The following GPC6 variants were observed in gnomAD, a reference collection of about 807,000 sequenced individuals.
GPC6 encodes the protein glypican 6, also known as glypican-6.
Under a neutral mutation model 55.2 loss-of-function variants are expected in GPC6, and 14 were observed. The observed-to-expected ratio is 0.25, with a 90% CI of 0.17 to 0.40. GPC6 has a LOEUF of 0.40. GPC6 is among the 10% of genes least tolerant of loss of function. GPC6 has a pLI of 1.00. For missense variants in GPC6, 641 were observed against 708.5 expected (o/e 0.90, Z 1.08); for synonymous variants, 278 against 259.6 (o/e 1.07, Z -0.68).
At chr13:93,789,619 A>AATAC (rs1357933083) in intron 2 of GPC6, among the ~76,000 whole-genome samples, 6 of 45,518 alleles carry the variant, frequency 1.3e-4, no homozygotes, top group South Asian at 1.0e-3. Flanking sequence ...ATATATATAT[A>AATAC]TATATATATA....
At chr13:93,318,302 T>C (rs889858784) in intron 1 of GPC6, among the ~76,000 whole-genome samples, 1 of 151,930 alleles carries the variant, frequency 6.6e-6, no homozygotes, top group Non-Finnish European at 1.5e-5. Context: ...TGTTTGATAC[T>C]AATGGACCAA....
chr13:93,439,686 TAAATA>T (rs1877708327), intron 1 of GPC6, among the ~76,000 whole-genome samples: 4 of 128,276 alleles, frequency 3.1e-5, no homozygotes, highest in Non-Finnish European at 5.1e-5. Context: ...TAAAATAAAA[TAAATA>T]AAAAAAATAA....
chr13:94,220,766 G>A (rs1283437419), intron 4 of GPC6, among the ~76,000 whole-genome samples: 3 of 152,030 alleles, frequency 2.0e-5, no homozygotes, highest in African/African-American at 4.8e-5. Context: ...CCATGTTTGT[G>A]TCTGTGTCCA....
At chr13:93,270,368 T>C (rs1877477933) in intron 1 of GPC6, among the ~76,000 whole-genome samples, 1 of 152,056 alleles carries the variant, frequency 6.6e-6, no homozygotes, top group Non-Finnish European at 1.5e-5. Context: ...TGTCTATATA[T>C]ACATGTACAT....
At chr13:93,341,907 CT>C (rs796173006) in intron 1 of GPC6, among the ~76,000 whole-genome samples, 78 of 148,730 alleles carry the variant, frequency 5.2e-4, no homozygotes, top group African/African-American at 1.5e-3. Flanking sequence ...CTTGAGTTAA[CT>C]TTTTTTTTCT....
In GPC6 at chr13:94,299,817, A is replaced by G. The variant is rs145658788; in HGVS notation, c.1009-6163A>G. ...GGTTACTCCACAGCCATTTCTTGTG[A>G]AAATAATGGCTGCACCTGGACAAAT... On this transcript the variant is annotated intron_variant, in intron 5 of 8. Coordinates refer to ENST00000377047, the MANE Select transcript of GPC6 (RefSeq NM_005708.5). Among the ~76,000 whole-genome samples, 448 of 152,288 alleles carry G rather than the reference A, an allele frequency of 2.9e-3. 2 individuals are homozygous for G. The highest frequency in any genetic ancestry group is 0.01 in the African/African-American group (417 of 41,534).
At chr13:93,506,993 C>T (rs903062198) in intron 1 of GPC6, among the ~76,000 whole-genome samples, 1 of 128,416 alleles carries the variant, frequency 7.8e-6, no homozygotes, top group Non-Finnish European at 1.6e-5. Context: ...GGGAGGGAGG[C>T]GAAGCTTGCA....
chr13:93,907,035 T>A (rs920864588), intron 3 of GPC6, among the ~76,000 whole-genome samples: 1 of 152,154 alleles, frequency 6.6e-6, no homozygotes, highest in African/African-American at 2.4e-5. Flanking sequence ...GTCACAGTGA[T>A]CTGATGAGAC....
intron 8 of GPC6, among the ~76,000 whole-genome samples, chr13:94,399,314 C>T (rs886494509): frequency 6.6e-6 from 1 of 152,180 alleles, no homozygotes; most frequent in Admixed American, 6.5e-5. Context: ...CAATATTACA[C>T]ACGACTATTT....
At chr13:93,523,444 C>T (rs560470344) in intron 1 of GPC6, among the ~76,000 whole-genome samples, 16 of 45,180 alleles carry the variant, frequency 3.5e-4, no homozygotes, top group Admixed American at 3.2e-3. Context: ...ACATTTTACA[C>T]ACACACACAT....
chr13:93,667,487 C>T (rs974816083), intron 2 of GPC6, among the ~76,000 whole-genome samples: 2 of 151,120 alleles, frequency 1.3e-5, no homozygotes, highest in Non-Finnish European at 2.9e-5. Flanking sequence ...GGGTGGAGTG[C>T]AGTGGCAAGA....
intron 1 of GPC6, among the ~76,000 whole-genome samples, chr13:93,261,267 G>A (rs75086587): frequency 1.1e-3 from 165 of 152,196 alleles, no homozygotes; most frequent in African/African-American, 3.6e-3. Context: ...GGTCTTTTAT[G>A]GTAGGAAACA....
intron 4 of GPC6, among the ~76,000 whole-genome samples, chr13:94,046,274 GT>G (rs1883729826): frequency 6.6e-6 from 1 of 152,042 alleles, no homozygotes; most frequent in Non-Finnish European, 1.5e-5. Context: ...GTTCTAAAAT[GT>G]TTCCCTAAGT....
chr13:93,458,271 A>G (rs1353706212), intron 1 of GPC6, among the ~76,000 whole-genome samples: 2 of 152,138 alleles, frequency 1.3e-5, no homozygotes, highest in South Asian at 2.1e-4. Context: ...TCCAGAGGAA[A>G]TATCTTATTT....
rs1886514101 is a variant in GPC6, at chr13:94,118,539, A to G, written c.877+90645A>G. Among the ~76,000 whole-genome samples, 3 of 151,798 alleles carry G rather than the reference A, an allele frequency of 2.0e-5. No individual in the cohort carries two copies. In the South Asian group the frequency reaches 6.2e-4, roughly 32 times the overall value. On this transcript the variant is annotated intron_variant, in intron 4 of 8. Coordinates refer to ENST00000377047, the MANE Select transcript of GPC6 (RefSeq NM_005708.5). Reference sequence around the variant, plus strand: ...TCTTCACTTTTGCCAATCCCAAATCATTTCATGTGAACATATGGCGTTTCT... The same window carrying G: ...TCTTCACTTTTGCCAATCCCAAATCGTTTCATGTGAACATATGGCGTTTCT...
intron 7 of GPC6, 107 bp downstream of exon 7, chr13:94,382,657 G>A (rs1373438038): frequency 6.9e-7 from 1 of 1,444,500 alleles, no homozygotes. Context: ...GCAACAGAGG[G>A]TGGAGGGACA....
chr13:94,267,824 CT>C, intron 4 of GPC6, among the ~76,000 whole-genome samples: 1 of 152,202 alleles, frequency 6.6e-6, no homozygotes, highest in Non-Finnish European at 1.5e-5. Flanking sequence ...CTCAATGAGC[CT>C]TCCTTTCAGC....
chr13:93,283,748 T>G (rs1343963676), intron 1 of GPC6, among the ~76,000 whole-genome samples: 5 of 152,228 alleles, frequency 3.3e-5, no homozygotes, highest in Non-Finnish European at 7.3e-5. Flanking sequence ...ACATTTAACT[T>G]GAGACCTTAT....
rs1884387160 is a variant in GPC6 at position 94,062,995 on chromosome 13, G to A, written c.877+35101G>A. 2.0e-5 allele frequency among the ~76,000 whole-genome samples: 3 copies of A among 152,196 alleles called. No homozygotes were observed. In the South Asian group the frequency reaches 6.2e-4, roughly 31 times the overall value. On this transcript the variant is annotated intron_variant, in intron 4 of 8. Coordinates refer to ENST00000377047, the MANE Select transcript of GPC6 (RefSeq NM_005708.5). The stretch of plus-strand genomic sequence containing the variant: ...GGGGATGTTTTTCTTCCAGCCGCTA[G>A]GCACGGGGTCAGGTGTCATTCTCCT...
Sources: gnomAD v4.1 joint callset for allele counts (sites outside exome capture counted in the v4.1 genomes callset) on GRCh38, gnomAD v4.1.1 for gene constraint, MANE v1.5 for transcripts, NCBI Gene and HGNC (gene_info 2026-07-23, HGNC 2026-07-21) for gene names.